FHIT: variants seen among roughly 807,000 people sequenced by gnomAD.
FHIT encodes bis(5'-adenosyl)-triphosphatase.
FHIT carries 19 observed loss-of-function variants against 17.9 expected under a neutral mutation model. The observed-to-expected ratio is 1.06, with a 90% CI of 0.74 to 1.56. FHIT has a LOEUF of 1.56. Among genes scored for constraint, FHIT ranks in the 40% most tolerant of loss-of-function variants. The pLI is 0.00. For missense variants in FHIT, 248 were observed against 189.2 expected (o/e 1.31, Z -1.82); for synonymous variants, 81 against 69.7 (o/e 1.16, Z -0.81).
At chr3:61,171,298 T>C (rs2037996932) in intron 2 of FHIT, among the ~76,000 whole-genome samples, 2 of 152,142 alleles carry the variant, frequency 1.3e-5, no homozygotes, top group African/African-American at 4.8e-5. Context: ...TTTTATGGGG[T>C]TCATTTTTTC....
intron 1 of FHIT, among the ~76,000 whole-genome samples, chr3:61,214,489 A>C (rs1027162307): frequency 1.9e-4 from 29 of 152,226 alleles, no homozygotes; most frequent in African/African-American, 5.3e-4. Flanking sequence ...GACCAATGAC[A>C]GGCTCTGAAA....
At chr3:61,195,766 A>T (rs1007562976) in intron 2 of FHIT, among the ~76,000 whole-genome samples, 2 of 152,200 alleles carry the variant, frequency 1.3e-5, no homozygotes, top group Non-Finnish European at 2.9e-5. Context: ...TAGCTATGTG[A>T]CCTTGGAAAA....
chr3:59,912,761 T>G (rs1159281341), intron 8 of FHIT, among the ~76,000 whole-genome samples: 4 of 152,220 alleles, frequency 2.6e-5, no homozygotes, highest in Non-Finnish European at 5.9e-5. Flanking sequence ...TAGTTACCAC[T>G]AATGTAAGAA....
intron 5 of FHIT, among the ~76,000 whole-genome samples, chr3:60,122,172 C>G (rs1705289097): frequency 1.3e-5 from 2 of 151,900 alleles, no homozygotes; most frequent in African/African-American, 4.8e-5. Context: ...ACTGTCAACT[C>G]AAATGTACTG....
At chr3:60,970,075 C>T (rs566996229) in intron 3 of FHIT, among the ~76,000 whole-genome samples, 47 of 152,238 alleles carry the variant, frequency 3.1e-4, no homozygotes, top group Non-Finnish European at 5.7e-4. Flanking sequence ...CTGCCTGCCT[C>T]GGCCTCCCAA....
At chr3:59,853,671 C>A (rs1274670488) in intron 8 of FHIT, among the ~76,000 whole-genome samples, 1 of 152,030 alleles carries the variant, frequency 6.6e-6, no homozygotes, top group Non-Finnish European at 1.5e-5. Flanking sequence ...TTATTTTCAT[C>A]ATATTCTATT....
chr3:59,944,231 C>T (rs968566685), intron 7 of FHIT, among the ~76,000 whole-genome samples: 5 of 152,162 alleles, frequency 3.3e-5, no homozygotes, highest in Non-Finnish European at 7.3e-5. Context: ...CAATATCAAA[C>T]CCAGGACACT....
At chr3:61,038,689 C>G (rs946526949) in intron 3 of FHIT, among the ~76,000 whole-genome samples, 2 of 151,994 alleles carry the variant, frequency 1.3e-5, no homozygotes, top group African/African-American at 4.8e-5. Context: ...GAAGTGATGT[C>G]TGCAATTTGC....
chr3:59,858,390 C>G (rs1483691660), intron 8 of FHIT, among the ~76,000 whole-genome samples: 3 of 151,848 alleles, frequency 2.0e-5, no homozygotes, highest in African/African-American at 7.3e-5. Flanking sequence ...CTACGCCTGG[C>G]TAATTTTTTG....
intron 2 of FHIT, among the ~76,000 whole-genome samples, chr3:61,053,617 C>T (rs972022621): frequency 2.6e-5 from 4 of 151,750 alleles, no homozygotes; most frequent in Non-Finnish European, 4.4e-5. Context: ...TAGATCGTGC[C>T]ATTGCATTCC....
intron 4 of FHIT, among the ~76,000 whole-genome samples, chr3:60,559,300 A>G (rs241674): frequency 0.95 from 145,190 of 152,258 alleles, 69,288 homozygotes; most frequent in East Asian, 1. Flanking sequence ...TCAGCACAAA[A>G]CAAGAAAACA....
intron 5 of FHIT, among the ~76,000 whole-genome samples, chr3:60,021,702 A>C (rs1017435746): frequency 4.6e-5 from 7 of 152,206 alleles, no homozygotes; most frequent in African/African-American, 1.7e-4. Context: ...TTAACTGCAT[A>C]ACCAAGGTCA....
rs201843596 is a variant in FHIT at position 60,130,900 on chromosome 3, T to C, written c.104-116748A>G. 3.8e-3 allele frequency among the ~76,000 whole-genome samples: 425 copies of C among 111,734 alleles called. 3 individuals carry two copies. Among genetic ancestry groups the C allele is most frequent in the African/African-American group, 0.013 (384 of 29,954 alleles). 73.3% of individuals were successfully genotyped at this position (111,734 alleles called of 152,430 possible). A position where few individuals can be genotyped will look rare whatever the true frequency, so the allele number is the denominator to read the frequency against. On this transcript the variant is annotated intron_variant, in intron 5 of 9. Transcript: ENST00000492590. Reference sequence around the variant, plus strand: ...ATACATGTATATACACACATACACATATATACACATATATGTATACATACA... The same window carrying C: ...ATACATGTATATACACACATACACACATATACACATATATGTATACATACA...
chr3:60,893,268 C>G lies in FHIT; in HGVS notation c.-110-71257G>C, dbSNP rs1705608984. On this transcript the variant is annotated intron_variant, in intron 3 of 9. Coordinates refer to ENST00000492590, the MANE Select transcript of FHIT (RefSeq NM_002012.4). ...AGTTCATATGCTTTTCCACAAGTTT[C>G]CACTCTTCATCAAACCTAGTATAAA... Among the ~76,000 whole-genome samples the G allele has an allele frequency of 2.6e-5, 4 of 152,172 alleles. No homozygotes were observed. The South Asian group carries it at 8.3e-4, about 32-fold the overall frequency.
chr3:60,495,996 G>A (rs2034286517), intron 5 of FHIT, among the ~76,000 whole-genome samples: 2 of 152,086 alleles, frequency 1.3e-5, no homozygotes, highest in Non-Finnish European at 2.9e-5. Flanking sequence ...ACATATAAAA[G>A]ATATCCAGAT....
intron 4 of FHIT, among the ~76,000 whole-genome samples, chr3:60,562,888 G>A (rs955944197): frequency 2.0e-5 from 3 of 152,094 alleles, no homozygotes; most frequent in African/African-American, 7.2e-5. Context: ...ATAGACAAGG[G>A]CTGCTATTTA....
At chr3:60,630,340 G>A (rs1394270383) in intron 4 of FHIT, among the ~76,000 whole-genome samples, 1 of 152,152 alleles carries the variant, frequency 6.6e-6, no homozygotes, top group Non-Finnish European at 1.5e-5. Context: ...TGAATAATCA[G>A]CCTCTACCCT....
chr3:60,122,166 T>C (rs1167471044), intron 5 of FHIT, among the ~76,000 whole-genome samples: 1 of 152,018 alleles, frequency 6.6e-6, no homozygotes, highest in East Asian at 1.9e-4. Context: ...CACACAACTG[T>C]CAACTCAAAT....
intron 4 of FHIT, among the ~76,000 whole-genome samples, chr3:60,565,437 G>C (rs956260357): frequency 5.3e-5 from 8 of 152,126 alleles, no homozygotes; most frequent in African/African-American, 1.7e-4. Context: ...TCCGTTAATG[G>C]AGAATGCTAT....
Sources: allele counts gnomAD v4.1 joint callset (sites outside exome capture counted in the v4.1 genomes callset), GRCh38; gene constraint gnomAD v4.1.1; transcripts MANE v1.5; gene names NCBI Gene and HGNC (gene_info 2026-07-23, HGNC 2026-07-21).